FGF1: variants seen among roughly 807,000 people sequenced by gnomAD.
FGF1 encodes fibroblast growth factor 1, also known as beta-endothelial cell growth factor.
In FGF1, 9 loss-of-function variants were observed where a neutral mutation model predicts 13.4. That is an observed-to-expected ratio of 0.67 (90% CI 0.40 to 1.17). FGF1 has a LOEUF of 1.17. FGF1 is among the 50% of genes most tolerant of loss of function. The probability of loss-of-function intolerance (pLI) is 0.01; values close to 1 mark genes in which losing one functional copy is unlikely to be tolerated. For synonymous variants in FGF1, 93 were observed against 79.0 expected (o/e 1.18, Z -0.94); for missense variants, 156 against 192.7 (o/e 0.81, Z 1.13).
At position 142,593,769 on chromosome 5, in the gene FGF1, T is replaced by A. The variant is rs1281756093; in HGVS notation, c.*1521A>T. The A allele has an allele frequency of 2.0e-5, 3 of 152,674 alleles. No homozygotes were observed. The highest frequency in any genetic ancestry group is 4.4e-5 in the Non-Finnish European group (3 of 68,046). 9.5% of individuals were successfully genotyped at this position (152,674 alleles called of 1,614,324 possible). ...TAACTGCTTTCAAGCTATATATTTT[T>A]AAATGCAATTAAAACATACAGTCTC... On this transcript the variant is annotated 3_prime_UTR_variant, in exon 4 of 4. Transcript: ENST00000337706.
Position 142,594,408 on chromosome 5 carries a change from G to A in FGF1, c.*882C>T, listed in dbSNP as rs966101992. On this transcript the variant is annotated 3_prime_UTR_variant, in exon 4 of 4. Transcript: ENST00000337706. ...GCTTACCAGGGGCCAAGCACAATGT[G>A]TGGCATTACTTTCTTTTTCCTTCTC... 3.3e-5 allele frequency: 5 copies of A among 152,332 alleles called. No homozygotes were observed. Among genetic ancestry groups the A allele is most frequent in the African/African-American group, 1.2e-4 (5 of 41,464 alleles). The allele number at this position is 152,332 out of a possible 1,614,324, so 9.4% of individuals were successfully genotyped here.
Position 142,678,476 on chromosome 5 carries a change from C to A in FGF1, c.-35+7481G>T, listed in dbSNP as rs190736514. Among the ~76,000 whole-genome samples the A allele has an allele frequency of 3.7e-3, 565 of 152,320 alleles. 7 individuals carry two copies. The highest frequency in any genetic ancestry group is 0.013 in the African/African-American group (546 of 41,576). Reference sequence around the variant, plus strand: ...ACCTGGGACTCTCCCTCACCCGCAGCACCCACCTTGCTGCTTCTTGGTGAC... The same window carrying A: ...ACCTGGGACTCTCCCTCACCCGCAGAACCCACCTTGCTGCTTCTTGGTGAC... On this transcript the variant is annotated intron_variant, in intron 1 of 3. Transcript: ENST00000337706.
chr5:142,642,414 G>C (rs1765346726), intron 1 of FGF1, among the ~76,000 whole-genome samples: 1 of 152,200 alleles, frequency 6.6e-6, no homozygotes, highest in South Asian at 2.1e-4. Flanking sequence ...TTCAGGGTCA[G>C]AAAACTCACA....
chr5:142,605,945 G>A (rs946635143), intron 2 of FGF1, among the ~76,000 whole-genome samples: 1 of 152,196 alleles, frequency 6.6e-6, no homozygotes, highest in Non-Finnish European at 1.5e-5. Context: ...CTTGGGAAGA[G>A]AGGGAGGGGC....
intron 1 of FGF1, among the ~76,000 whole-genome samples, chr5:142,677,589 G>A (rs1031447019): frequency 6.6e-6 from 1 of 152,210 alleles, no homozygotes; most frequent in Non-Finnish European, 1.5e-5. Context: ...GGCTCTTGAT[G>A]CAAAAGTCTC....
At chr5:142,673,569 A>G (rs1055962450) in intron 1 of FGF1, among the ~76,000 whole-genome samples, 8 of 152,156 alleles carry the variant, frequency 5.3e-5, no homozygotes, top group Admixed American at 4.6e-4. Flanking sequence ...ATATGGTTCT[A>G]TGAGCTCTTT....
At chr5:142,612,432 T>C (rs1171559551) in intron 2 of FGF1, among the ~76,000 whole-genome samples, 1 of 152,172 alleles carries the variant, frequency 6.6e-6, no homozygotes, top group Non-Finnish European at 1.5e-5. Context: ...GAGCATTCCC[T>C]ACTTTTTCAG....
At chr5:142,671,732 GCT>G (rs1771500209) in intron 1 of FGF1, 2 of 152,216 alleles carry the variant, frequency 1.3e-5, no homozygotes, top group African/African-American at 4.8e-5. Context: ...GTGAAGAAAC[GCT>G]TCTTCTAGCT....
chr5:142,644,690 T>A (rs1168117962), intron 1 of FGF1, among the ~76,000 whole-genome samples: 1 of 152,204 alleles, frequency 6.6e-6, no homozygotes, highest in Non-Finnish European at 1.5e-5. Context: ...GCATATTCTG[T>A]TATGATATTT....
chr5:142,641,667 T>A (rs1477992808), intron 1 of FGF1, among the ~76,000 whole-genome samples: 2 of 152,046 alleles, frequency 1.3e-5, no homozygotes, highest in East Asian at 3.8e-4. Context: ...ATCTCATGAT[T>A]TATTATAGCA....
intron 2 of FGF1, among the ~76,000 whole-genome samples, chr5:142,694,626 C>A (rs1293209417): frequency 6.6e-6 from 1 of 152,180 alleles, no homozygotes; most frequent in Non-Finnish European, 1.5e-5. Context: ...TGAGGGAGGA[C>A]CCCAGCTTGG....
At chr5:142,640,801 G>A (rs1765081842) in intron 1 of FGF1, among the ~76,000 whole-genome samples, 1 of 151,882 alleles carries the variant, frequency 6.6e-6, no homozygotes. Flanking sequence ...GGCTGTTTGT[G>A]GCAGTCACTG....
rs375904504 is a variant in FGF1 at position 142,694,306 on chromosome 5, G to T, written c.-35+3316C>A. ...CTCACTCTCACTATGCCTCAGTTGT[G>T]CTATCAATGGAAGGAAGGTGAGAAC... On this transcript the variant is annotated intron_variant, in intron 2 of 4. Coordinates refer to the FGF1 transcript ENST00000407758. 2.0e-5 allele frequency among the ~76,000 whole-genome samples: 3 copies of T among 152,078 alleles called. No individual in the cohort carries two copies. The East Asian group carries it at 5.8e-4, about 29-fold the overall frequency.
At chr5:142,618,397 A>G (rs1354366549) in intron 1 of FGF1, among the ~76,000 whole-genome samples, 1 of 152,150 alleles carries the variant, frequency 6.6e-6, no homozygotes, top group African/African-American at 2.4e-5. Context: ...TGTTTCCTCT[A>G]ATAATTCTCA....
intron 1 of FGF1, among the ~76,000 whole-genome samples, chr5:142,624,383 A>G (rs1246804476): frequency 1.3e-5 from 2 of 152,224 alleles, no homozygotes; most frequent in Non-Finnish European, 2.9e-5. Flanking sequence ...GTAATATTTT[A>G]GGAGTATTCG....
intron 1 of FGF1, among the ~76,000 whole-genome samples, chr5:142,643,373 G>A (rs543305013): frequency 6.6e-6 from 1 of 152,030 alleles, no homozygotes; most frequent in African/African-American, 2.4e-5. Context: ...GATGATTTTT[G>A]TTTTCTTCTT....
intron 2 of FGF1, among the ~76,000 whole-genome samples, chr5:142,695,646 T>G (rs1488867822): frequency 6.6e-6 from 1 of 151,262 alleles, no homozygotes; most frequent in Non-Finnish European, 1.5e-5. Flanking sequence ...AATCCATCCA[T>G]TCTCCCTAAT....
At chr5:142,625,123 C>A (rs1434112275) in intron 1 of FGF1, among the ~76,000 whole-genome samples, 1 of 152,120 alleles carries the variant, frequency 6.6e-6, no homozygotes, top group Non-Finnish European at 1.5e-5. Flanking sequence ...TCAGTTGCTG[C>A]CTTTAAGGAG....
rs963757457 is a variant in FGF1 at position 142,664,146 on chromosome 5, G to C, written c.-35+21811C>G. Among the ~76,000 whole-genome samples the C allele has an allele frequency of 4.6e-5, 7 of 152,290 alleles. No homozygotes were observed. The East Asian group carries it at 1.4e-3, about 29-fold the overall frequency. ...GAGCCCAAGCACAGATGAGCCCCAGGGGGAGGAAGGAGGCAAAGTGTTCTT... is the reference window on the plus strand; with the variant it reads ...GAGCCCAAGCACAGATGAGCCCCAGCGGGAGGAAGGAGGCAAAGTGTTCTT... On this transcript the variant is annotated intron_variant, in intron 1 of 3. Coordinates refer to ENST00000337706, the MANE Select transcript of FGF1 (RefSeq NM_000800.5).
Sources: allele counts gnomAD v4.1 joint callset (sites outside exome capture counted in the v4.1 genomes callset), GRCh38; gene constraint gnomAD v4.1.1; transcripts MANE v1.5; gene names NCBI Gene and HGNC (gene_info 2026-07-23, HGNC 2026-07-21).